Variants in TTC16 observed in about 807,000 individuals in gnomAD.
TTC16 encodes tetratricopeptide repeat protein 16.
In TTC16, 66 loss-of-function variants were observed where a neutral mutation model predicts 80.4. The observed-to-expected ratio is 0.82, with a 90% CI of 0.67 to 1.01. The LOEUF (loss-of-function observed/expected upper bound fraction) is 1.01. Among genes scored for constraint, TTC16 ranks in the 50% least tolerant of loss-of-function variants. The pLI is 0.00. For missense variants in TTC16, 1,070 were observed against 1,103.2 expected, an observed-to-expected ratio of 0.97 and a Z score of 0.43; for synonymous variants, 438 against 451.3, an observed-to-expected ratio of 0.97 and a Z score of 0.37.
Position 127,726,085 on chromosome 9 carries a change from A to C in TTC16, c.1260-154A>C, listed in dbSNP as rs746949052. ...CTGGCATCGAAGTGTTGGCTTCATC[A>C]GGGACGTACCTGATGGAGAGAGAGG... On this transcript the variant is annotated intron_variant, in intron 9 of 13. Transcript: ENST00000373289. Among the ~76,000 whole-genome samples the C allele has an allele frequency of 3.3e-5, 5 of 152,294 alleles. No homozygotes were observed. In the South Asian group the frequency reaches 1.0e-3, roughly 32 times the overall value.
rs368982275 is a variant in TTC16 at position 127,716,836 on chromosome 9, G to C, written c.19-8G>C. On this transcript the variant is annotated splice_polypyrimidine_tract_variant and splice_region_variant and intron_variant, in intron 1 of 13. Transcript: ENST00000373289. Reference sequence around the variant, plus strand: ...GGCCTGCTCCAGCTTGCTGTCCTTCGGTTCTAGGATGCCCTGAAGGTTGAC... The same window carrying C: ...GGCCTGCTCCAGCTTGCTGTCCTTCCGTTCTAGGATGCCCTGAAGGTTGAC... 6.3e-6 allele frequency: 10 copies of C among 1,599,386 alleles called. No individual in the cohort carries two copies. The African/African-American group carries it at 9.4e-5, about 15-fold the overall frequency.
Position 127,729,640 on chromosome 9 carries a change from C to T in TTC16, c.1824C>T (p.Asp608=), listed in dbSNP as rs747421662. The change falls in exon 13 of 14, where the codon GAC becomes GAT. Residue 608 remains aspartate (D), a synonymous_variant. Coordinates refer to ENST00000373289, the MANE Select transcript of TTC16 (RefSeq NM_144965.3). ...KVASLSDSYL[D]QTSSASSMSF... is the part of the protein sequence containing the mutation. Reference sequence around the variant, plus strand: ...CGTCCCTGTCTGACAGCTACCTTGACCAGACCTCTTCAGCCTCCAGCATGA... The same window carrying T: ...CGTCCCTGTCTGACAGCTACCTTGATCAGACCTCTTCAGCCTCCAGCATGA... 4.3e-6 allele frequency: 7 copies of T among 1,613,734 alleles called. No individual in the cohort carries two copies. In the East Asian group the frequency reaches 1.3e-4, roughly 31 times the overall value.
Position 127,730,694 on chromosome 9 carries a change from C to T in TTC16, c.1911C>T (p.Ser637=), listed in dbSNP as rs1844345429. The T allele has an allele frequency of 1.2e-6, 2 of 1,613,162 alleles. No homozygotes were observed. Among genetic ancestry groups the T allele is most frequent in the Non-Finnish European group, 1.7e-6 (2 of 1,180,028 alleles). Residue 637 remains serine, a synonymous_variant, in exon 14 of 14, where the codon AGC becomes AGT. Transcript: ENST00000373289. The stretch of plus-strand genomic sequence containing the variant: ...CGGCTATCTGCCAGGAATACAGGAG[C>T]ACCTCAGCCACCGCCGTGACATTCT... ...EMSAICQEYR[S]TSATAVTFSD...
At chr9:127,720,786 G>A (rs971527002) in intron 6 of TTC16, among the ~76,000 whole-genome samples, 7 of 87,164 alleles carry the variant, frequency 8.0e-5, no homozygotes, top group African/African-American at 3.0e-4. Flanking sequence ...CCTAACATGA[G>A]GTAGCCCTTC....
intron 6 of TTC16, among the ~76,000 whole-genome samples, chr9:127,720,660 G>A (rs1445748970): frequency 6.6e-6 from 1 of 151,944 alleles, no homozygotes; most frequent in East Asian, 1.9e-4. Context: ...AGAGAAGCAT[G>A]TCATCCCTGT....
rs1843205202 is a variant in TTC16, at chr9:127,718,281, T to A, written c.426+509T>A. On this transcript the variant is annotated intron_variant, in intron 4 of 13. Coordinates refer to ENST00000373289, the MANE Select transcript of TTC16 (RefSeq NM_144965.3). This position sits in a 1 kb window ranked among gnomAD's most constrained non-coding sequence, Gnocchi z 4.6. ...TTTTTGTATTTTAGTAGAGACAGGG[T>A]TTTACTTTGTTGCCCAGGCTGGTCT... Among the ~76,000 whole-genome samples the A allele has an allele frequency of 6.6e-6, 1 of 151,878 alleles. No individual in the cohort carries two copies. The highest frequency in any genetic ancestry group is 1.5e-5 in the Non-Finnish European group (1 of 67,994).
At position 127,718,133 on chromosome 9, in the gene TTC16, G is replaced by A. The variant is rs1440611638; in HGVS notation, c.426+361G>A. 6.6e-6 allele frequency among the ~76,000 whole-genome samples: 1 copy of A among 152,040 alleles called. No homozygotes were observed. Among genetic ancestry groups the A allele is most frequent in the Non-Finnish European group, 1.5e-5 (1 of 68,008 alleles). ...GAGACAGTCTTGCTCTGTCACCCAGGCTGCAGTGCAGTGGCACGATCTCGG... is the reference window on the plus strand; with the variant it reads ...GAGACAGTCTTGCTCTGTCACCCAGACTGCAGTGCAGTGGCACGATCTCGG... On this transcript the variant is annotated intron_variant, in intron 4 of 13. Transcript: ENST00000373289. This position sits in a 1 kb window ranked among gnomAD's most constrained non-coding sequence, Gnocchi z 4.6.
intron 4 of TTC16, among the ~76,000 whole-genome samples, chr9:127,717,994 T>C (rs968876907): frequency 1.3e-5 from 2 of 152,236 alleles, no homozygotes; most frequent in African/African-American, 4.8e-5. Flanking sequence ...CAGTGTCCAA[T>C]ATGCTAGCCA....
chr9:127,717,283 G>A (rs747085387), intron 2 of TTC16, 51 bp from the exon 3 acceptor site: 28 of 1,571,818 alleles, frequency 1.8e-5, no homozygotes, highest in South Asian at 6.7e-5. Flanking sequence ...TATGCCCTGG[G>A]CTGGTCCACA....
intron 9 of TTC16, among the ~76,000 whole-genome samples, chr9:127,725,982 G>A (rs1375152471): frequency 6.6e-6 from 1 of 152,120 alleles, no homozygotes; most frequent in East Asian, 1.9e-4. Context: ...CATTTTAGCC[G>A]ATGGGTTTAT....
intron 3 of TTC16, 98 bp downstream of exon 3, chr9:127,717,522 C>T: frequency 6.4e-7 from 1 of 1,574,426 alleles, no homozygotes; most frequent in South Asian, 1.2e-5. Context: ...GCCACCAAGT[C>T]CCTGATGGGA....
intron 1 of TTC16, chr9:127,716,534 G>A (rs1003836676): frequency 1.9e-6 from 1 of 535,398 alleles, no homozygotes. Context: ...AGACATCAAA[G>A]CTTGGGGTGT....
rs1278678665 is a variant in TTC16, at chr9:127,727,578, G to A, written c.1764+113G>A. 6.2e-6 allele frequency: 9 copies of A among 1,454,544 alleles called. No individual in the cohort carries two copies. The Admixed American group carries it at 2.3e-4, about 38-fold the overall frequency. The allele number at this position is 1,454,544 out of a possible 1,614,324, so 90.1% of individuals were successfully genotyped here. The stretch of plus-strand genomic sequence containing the variant: ...GAGTCTGGCTTCCAGGCCTGGCTCT[G>A]CACTCCCTCAGCTGTGTGATGGGCT... On this transcript the variant is annotated intron_variant, in intron 12 of 13. Transcript: ENST00000373289.
At chr9:127,726,787 C>CAAAAAAAAAAAAAAAAAAAAA (rs55676226) in intron 10 of TTC16, among the ~76,000 whole-genome samples, 183 bp from the exon 11 acceptor site, 2 of 127,732 alleles carry the variant, frequency 1.6e-5, no homozygotes, top group East Asian at 3.3e-4. Flanking sequence ...GACTCTGTCT[C>CAAAAAAAAAAAAAAAAAAAAA]AAAAAAAAAA....
Position 127,720,190 on chromosome 9 carries a change from T to C in TTC16, c.527+12T>C. 6.2e-7 allele frequency: 1 copy of C among 1,613,694 alleles called. No homozygotes were observed. Among genetic ancestry groups the C allele is most frequent in the South Asian group, 1.1e-5 (1 of 91,084 alleles). ...TTCCGTTACCGATGGTGAGTGCCCC[T>C]GCCAGCCCCTTCTCCCAGCACCCAC... is the stretch of plus-strand genomic sequence containing the variant. On this transcript the variant is annotated intron_variant, in intron 5 of 13. Transcript: ENST00000373289.
In TTC16 at chr9:127,724,833, G is replaced by C. The variant is rs777186377; in HGVS notation, c.1195G>C (p.Glu399Gln). 6 of 1,603,152 alleles carry C rather than the reference G, an allele frequency of 3.7e-6. No individual in the cohort carries two copies. The South Asian group carries it at 4.5e-5, about 12-fold the overall frequency. Residue 399 changes from glutamate to glutamine, a missense_variant, in exon 9 of 14, where the codon GAG (glutamate) becomes CAG (glutamine). Glu to Gln is a conservative substitution (Grantham distance 29). Transcript: ENST00000373289. ...QQALALSPQD[E>Q]GANTRMGLLQ... ...GGCGCTGGCGCTGAGCCCTCAGGAC[G>C]AGGGCGCCAACACGCGCATGGGCCT...
rs1203945313 is a variant in TTC16 at position 127,716,460 on chromosome 9, T to G, written c.18+297T>G. 3 of 562,978 alleles carry G rather than the reference T, an allele frequency of 5.3e-6. No homozygotes were observed. In the Admixed American group the frequency reaches 9.2e-5, roughly 17 times the overall value. The allele number at this position is 562,978 out of a possible 1,614,324, so 34.9% of individuals were successfully genotyped here. On this transcript the variant is annotated intron_variant, in intron 1 of 13. Coordinates refer to ENST00000373289, the MANE Select transcript of TTC16 (RefSeq NM_144965.3). ...GTGTGGCCTGCTGGAGTGAGGGTCC[T>G]GAAGGTTACCCAAGGGACTGTAGGA...
In TTC16 at chr9:127,717,001, T is replaced by A; in HGVS notation, c.176T>A (p.Leu59His). The A allele has an allele frequency of 1.2e-6, 2 of 1,613,334 alleles. No individual in the cohort carries two copies. The highest frequency in any genetic ancestry group is 4.5e-5 in the East Asian group (2 of 44,830). Reference protein sequence around the residue: ...KPKVTGLTVPLKVREYYSRGQ... With the variant: ...KPKVTGLTVPHKVREYYSRGQ... ...AAGGTCACAGGGTTAACAGTGCCCCTCAAAGTCAGGGAATAGTGAGTGACT... is the reference window on the plus strand; with the variant it reads ...AAGGTCACAGGGTTAACAGTGCCCCACAAAGTCAGGGAATAGTGAGTGACT... The change falls in exon 2 of 14, where the codon CTC (leucine) becomes CAC (histidine). Residue 59 changes from leucine (L) to histidine (H), a missense_variant. Physicochemically the swap from Leu to His is moderately conservative, Grantham distance 99. Coordinates refer to ENST00000373289, the MANE Select transcript of TTC16 (RefSeq NM_144965.3).
chr9:127,726,450 G>A (rs745473610), intron 10 of TTC16, 46 bp downstream of exon 10: 30 of 1,485,632 alleles, frequency 2.0e-5, no homozygotes, highest in East Asian at 4.9e-5. Flanking sequence ...AGTCATGCCC[G>A]GTGCATAAAG....
Sources: gnomAD v4.1 joint callset for allele counts (sites outside exome capture counted in the v4.1 genomes callset) on GRCh38, gnomAD v4.1.1 for gene constraint, Gnocchi (gnomAD v3.1) non-coding constraint, MANE v1.5 for transcripts, NCBI Gene and HGNC (gene_info 2026-07-23, HGNC 2026-07-21) for gene names.